SHANK2: variants seen among roughly 807,000 people sequenced by gnomAD.
SHANK2 encodes SH3 and multiple ankyrin repeat domains 2.
A neutral mutation model predicts 133.7 loss-of-function variants in SHANK2; 43 were observed. The observed-to-expected ratio is 0.32, with a 90% CI of 0.25 to 0.41. SHANK2 has a LOEUF of 0.41. SHANK2 is among the 10% of genes least tolerant of loss of function. The pLI, the probability that SHANK2 is intolerant of heterozygous loss-of-function variation, is 1.00. For synonymous variants in SHANK2, 1,017 were observed against 952.8 expected (o/e 1.07, Z -1.24); for missense variants, 1,994 against 2,235.8 (o/e 0.89, Z 2.18).
At chr11:70,858,515 C>T (rs532138262) in intron 11 of SHANK2, among the ~76,000 whole-genome samples, 29 of 152,374 alleles carry the variant, frequency 1.9e-4, no homozygotes, top group African/African-American at 6.5e-4. Context: ...CCATGGCTCT[C>T]CAGTCTCATG....
At chr11:70,701,132 G>A (rs1354612642) in intron 14 of SHANK2, among the ~76,000 whole-genome samples, 1 of 152,186 alleles carries the variant, frequency 6.6e-6, no homozygotes, top group African/African-American at 2.4e-5. Flanking sequence ...AAGCAGAGAG[G>A]AGTGTGTAGT....
intron 25 of SHANK2, among the ~76,000 whole-genome samples, chr11:70,484,887 C>T (rs944238054): frequency 5.3e-5 from 8 of 152,120 alleles, no homozygotes; most frequent in African/African-American, 1.2e-4. Flanking sequence ...CTGCACCCAC[C>T]GCCCACCCAC....
intron 14 of SHANK2, among the ~76,000 whole-genome samples, chr11:70,778,990 T>C (rs913171190): frequency 1.3e-4 from 20 of 152,138 alleles, no homozygotes; most frequent in African/African-American, 4.3e-4. Flanking sequence ...AGGACAGGGT[T>C]GGTACCCAGC....
chr11:71,108,339 C>A (rs1951832890), intron 6 of SHANK2, among the ~76,000 whole-genome samples: 1 of 152,162 alleles, frequency 6.6e-6, no homozygotes, highest in African/African-American at 2.4e-5. Context: ...CTCCATCGCA[C>A]CACCATGCCT....
At chr11:70,588,834 T>C (rs1309765998) in intron 17 of SHANK2, among the ~76,000 whole-genome samples, 1 of 152,258 alleles carries the variant, frequency 6.6e-6, no homozygotes, top group African/African-American at 2.4e-5. Context: ...CCTTCTTTTT[T>C]TGAGATGGAG....
In SHANK2 at chr11:71,132,319, G is replaced by A. The variant is rs1276146227; in HGVS notation, c.208-13287C>T. On this transcript the variant is annotated intron_variant, in intron 3 of 25. Transcript: ENST00000601538. ...TAAAAACTGATGATCTGCGGCCCTG[G>A]TATTGCCACCCTCTGGATAAGCCTT... Among the ~76,000 whole-genome samples the A allele has an allele frequency of 2.0e-5, 3 of 152,168 alleles. No individual in the cohort carries two copies. The East Asian group carries it at 5.8e-4, about 29-fold the overall frequency.
At chr11:70,612,053 G>A (rs2060665631) in intron 17 of SHANK2, among the ~76,000 whole-genome samples, 1 of 152,126 alleles carries the variant, frequency 6.6e-6, no homozygotes, top group South Asian at 2.1e-4. Flanking sequence ...CAGGAAGGAG[G>A]CGGCGTCCGG....
In SHANK2 at chr11:71,090,668, C is replaced by A. The variant is rs1171726558; in HGVS notation, c.912+1754G>T. On this transcript the variant is annotated intron_variant, in intron 8 of 25. Transcript: ENST00000601538. ...GTGTGTGTGTGTGTGTGTCTGTGTACATAGATACATTTATATGTTATATAT... is the reference window on the plus strand; with the variant it reads ...GTGTGTGTGTGTGTGTGTCTGTGTAAATAGATACATTTATATGTTATATAT... 3.4e-5 allele frequency among the ~76,000 whole-genome samples: 5 copies of A among 146,166 alleles called. No individual in the cohort carries two copies. In the East Asian group the frequency reaches 8.0e-4, roughly 23 times the overall value.
At chr11:70,560,543 G>T (rs200479079) in intron 17 of SHANK2, among the ~76,000 whole-genome samples, 6 of 145,370 alleles carry the variant, frequency 4.1e-5, no homozygotes, top group African/African-American at 1.5e-4. Flanking sequence ...TAAAATTCAT[G>T]GGAAATGCAA....
At chr11:70,499,508 G>T (rs2059019843) in intron 21 of SHANK2, among the ~76,000 whole-genome samples, 2 of 152,240 alleles carry the variant, frequency 1.3e-5, no homozygotes, top group Non-Finnish European at 2.9e-5. Context: ...GTCCCACGCT[G>T]TTCTGGCAAC....
intron 17 of SHANK2, among the ~76,000 whole-genome samples, chr11:70,658,208 A>AC (rs2061429199): frequency 2.1e-5 from 2 of 97,502 alleles, no homozygotes; most frequent in Admixed American, 2.3e-4. Context: ...ACGCCCCCCC[A>AC]ACACACACAC....
intron 14 of SHANK2, among the ~76,000 whole-genome samples, chr11:70,720,444 G>A (rs1220210012): frequency 6.6e-6 from 1 of 152,182 alleles, no homozygotes; most frequent in Non-Finnish European, 1.5e-5. Context: ...TTGGCCCTGT[G>A]ACTCCTTCGT....
chr11:70,772,356 C>T (rs1192695763), intron 14 of SHANK2, among the ~76,000 whole-genome samples: 2 of 151,566 alleles, frequency 1.3e-5, no homozygotes, highest in Non-Finnish European at 2.9e-5. Flanking sequence ...AGGAGAATCG[C>T]TTGAACCCAG....
At chr11:71,106,664 C>T (rs561926604) in intron 6 of SHANK2, among the ~76,000 whole-genome samples, 4 of 152,282 alleles carry the variant, frequency 2.6e-5, no homozygotes, top group South Asian at 2.1e-4. Flanking sequence ...AGAATTCCAG[C>T]GGCAGAATTC....
At chr11:70,662,467 T>TC (rs538891682) in intron 15 of SHANK2, among the ~76,000 whole-genome samples, 11 of 151,992 alleles carry the variant, frequency 7.2e-5, no homozygotes, top group Admixed American at 3.9e-4. Context: ...CCCTCCAGCG[T>TC]CCCCCCGGTC....
chr11:71,058,286 C>T (rs1000720687), intron 9 of SHANK2, among the ~76,000 whole-genome samples: 4 of 152,190 alleles, frequency 2.6e-5, no homozygotes, highest in Admixed American at 6.6e-5. Context: ...GAACTTCTCG[C>T]CAACCCCTCT....
rs533955812 is a variant in SHANK2, at chr11:71,119,137, G to A, written c.208-105C>T. ...GGCAAAGCTGCTTCCACCCCTTCCC[G>A]ACACTTCCTCTGAGCAGTGAACCCA... On this transcript the variant is annotated intron_variant, in intron 3 of 25. Coordinates refer to ENST00000601538, the MANE Select transcript of SHANK2 (RefSeq NM_012309.5). 237 of 925,694 alleles carry A rather than the reference G, an allele frequency of 2.6e-4. 1 individual carries two copies. Among genetic ancestry groups the A allele is most frequent in the Non-Finnish European group, 3.4e-4 (207 of 606,886 alleles). 57.3% of individuals were successfully genotyped at this position (925,694 alleles called of 1,614,324 possible). A position where few individuals can be genotyped will look rare whatever the true frequency, so the allele number is the denominator to read the frequency against.
At chr11:71,158,694 C>T (rs1555109416) in intron 2 of SHANK2, among the ~76,000 whole-genome samples, 1 of 152,276 alleles carries the variant, frequency 6.6e-6, no homozygotes, top group East Asian at 1.9e-4. Context: ...ACTCATTCTA[C>T]CAGATGCCAA....
At chr11:70,493,682 G>T (rs2058929729) in intron 21 of SHANK2, among the ~76,000 whole-genome samples, 1 of 152,118 alleles carries the variant, frequency 6.6e-6, no homozygotes, top group Non-Finnish European at 1.5e-5. Flanking sequence ...ATGTCACTGG[G>T]TTGGGACAAA....
Sources: allele counts gnomAD v4.1 joint callset (sites outside exome capture counted in the v4.1 genomes callset), GRCh38; gene constraint gnomAD v4.1.1; transcripts MANE v1.5; gene names NCBI Gene and HGNC (gene_info 2026-07-23, HGNC 2026-07-21).